ELMO2: variants seen among roughly 807,000 people sequenced by gnomAD.
The protein encoded by ELMO2 is engulfment and cell motility 2.
Under a neutral mutation model 96.2 loss-of-function variants are expected in ELMO2, and 37 were observed. The ratio of observed to expected loss-of-function variants is 0.38; its 90% confidence interval spans 0.30 to 0.51. The LOEUF is 0.51. Ranked by LOEUF, ELMO2 falls within the 20% of genes least tolerant of loss-of-function variation. The probability of loss-of-function intolerance (pLI) is 0.88; values close to 1 mark genes in which losing one functional copy is unlikely to be tolerated. For missense variants in ELMO2, 561 were observed against 912.6 expected, an observed-to-expected ratio of 0.61 and a Z score of 4.96; for synonymous variants, 315 against 329.4, an observed-to-expected ratio of 0.96 and a Z score of 0.47.
chr20:46,367,423 G>C lies in ELMO2; in HGVS notation c.2100C>G (p.Pro700=). The C allele has an allele frequency of 6.2e-7, 1 of 1,612,362 alleles. No homozygotes were observed. The highest frequency in any genetic ancestry group is 1.1e-5 in the South Asian group (1 of 90,804). The change falls in exon 22 of 22, where the codon CCC becomes CCG. Residue 700 remains proline, a synonymous_variant. Coordinates refer to ENST00000290246, the MANE Select transcript of ELMO2 (RefSeq NM_133171.5). Reference sequence around the variant, plus strand: ...CCTTGGGGATGGGGGGTGGGGCTTCGGGAATCTGGATGTTCTCCAGGTCCA... The same window carrying C: ...CCTTGGGGATGGGGGGTGGGGCTTCCGGAATCTGGATGTTCTCCAGGTCCA... The part of the protein sequence containing the change: ...RLLDLENIQI[P]EAPPPIPKEP...
intron 10 of ELMO2, among the ~76,000 whole-genome samples, chr20:46,381,522 T>C (rs928592534): frequency 6.6e-6 from 1 of 152,220 alleles, no homozygotes; most frequent in African/African-American, 2.4e-5. Context: ...TTGCATTCTC[T>C]GAATACATAC....
intron 20 of ELMO2, chr20:46,370,124 G>A: frequency 2.2e-6 from 1 of 454,840 alleles, no homozygotes; most frequent in Middle Eastern, 3.1e-4. Flanking sequence ...CCTGTTATGT[G>A]TGCTAATGGA....
At chr20:46,376,813 C>T in intron 11 of ELMO2, 2 of 1,288,258 alleles carry the variant, frequency 1.6e-6, no homozygotes, top group South Asian at 1.2e-5. Context: ...GTAGCTCTGT[C>T]TCTAGGGCTG....
At chr20:46,405,834 A>C (rs2060427686) in intron 1 of ELMO2, among the ~76,000 whole-genome samples, 1 of 152,106 alleles carries the variant, frequency 6.6e-6, no homozygotes, top group Non-Finnish European at 1.5e-5. Context: ...CTGTGAGCCG[A>C]GATCGCGCCA....
At chr20:46,382,692 A>C (rs2059977991) in intron 10 of ELMO2, among the ~76,000 whole-genome samples, 1 of 152,204 alleles carries the variant, frequency 6.6e-6, no homozygotes, top group South Asian at 2.1e-4. Flanking sequence ...TCCACCACCC[A>C]GCTGATTCTT....
Position 46,371,285 on chromosome 20 carries a change from T to C in ELMO2, c.1801+67A>G. 6.7e-7 allele frequency: 1 copy of C among 1,494,266 alleles called. No homozygotes were observed. The allele number at this position is 1,494,266 out of a possible 1,614,324, so 92.6% of individuals were successfully genotyped here. A position where few individuals can be genotyped will look rare whatever the true frequency, so the allele number is the denominator to read the frequency against. ...GCCCAGATGATCAGCTACAAACAGCTGGACTAGAACTCCTGTCTCCTGACA... is the reference window on the plus strand; with the variant it reads ...GCCCAGATGATCAGCTACAAACAGCCGGACTAGAACTCCTGTCTCCTGACA... On this transcript the variant is annotated intron_variant, in intron 19 of 21. Coordinates refer to ENST00000290246, the MANE Select transcript of ELMO2 (RefSeq NM_133171.5). This position sits in a 1 kb window ranked among gnomAD's most constrained non-coding sequence, Gnocchi z 5.9.
At chr20:46,384,245 T>C (rs867234600) in intron 9 of ELMO2, among the ~76,000 whole-genome samples, 32 of 152,198 alleles carry the variant, frequency 2.1e-4, no homozygotes, top group African/African-American at 7.5e-4. Flanking sequence ...ATAAACTTAT[T>C]TTATTATGAA....
chr20:46,392,004 C>A (rs2060158761), intron 6 of ELMO2, among the ~76,000 whole-genome samples: 1 of 152,184 alleles, frequency 6.6e-6, no homozygotes, highest in Non-Finnish European at 1.5e-5. Flanking sequence ...ACTGTTTTAC[C>A]TTTCTTTTAC....
intron 6 of ELMO2, 111 bp from the exon 7 acceptor site, chr20:46,389,331 G>A: frequency 8.8e-7 from 1 of 1,132,314 alleles, no homozygotes; most frequent in South Asian, 1.5e-5. Context: ...GGCAGAACTA[G>A]TTTTTTCACA....
Position 46,375,466 on chromosome 20 carries a change from C to A in ELMO2, c.931-96G>T, listed in dbSNP as rs1489479697. 7.8e-6 allele frequency: 12 copies of A among 1,540,824 alleles called. No individual in the cohort carries two copies. The highest frequency in any genetic ancestry group is 1.1e-5 in the Non-Finnish European group (12 of 1,138,522). ...CAGGCTTTTCTGGGCCAAACTTTGG[C>A]CCCAATCAATCCCTTAGGAGGCATC... On this transcript the variant is annotated intron_variant, in intron 12 of 21. Coordinates refer to ENST00000290246, the MANE Select transcript of ELMO2 (RefSeq NM_133171.5). The surrounding 1 kb of genome is among the most constrained non-coding windows in gnomAD (Gnocchi z 4.6).
At chr20:46,376,477 A>G (rs539641401) in intron 11 of ELMO2, among the ~76,000 whole-genome samples, 2 of 151,116 alleles carry the variant, frequency 1.3e-5, no homozygotes, top group African/African-American at 4.9e-5. Context: ...CTGTCGGTTC[A>G]TCACCTCCTC....
intron 9 of ELMO2, among the ~76,000 whole-genome samples, chr20:46,384,465 G>A (rs1426194665): frequency 6.6e-6 from 1 of 152,022 alleles, no homozygotes; most frequent in African/African-American, 2.4e-5. Flanking sequence ...GGTGACAGCT[G>A]TGGGCTGAAA....
At chr20:46,382,583 G>C (rs1245409921) in intron 10 of ELMO2, among the ~76,000 whole-genome samples, 1 of 151,632 alleles carries the variant, frequency 6.6e-6, no homozygotes, top group Non-Finnish European at 1.5e-5. Flanking sequence ...TTTACAGAAA[G>C]AGAAACTGAG....
At chr20:46,395,202 T>G (rs1432356031) in intron 2 of ELMO2, among the ~76,000 whole-genome samples, 1 of 152,156 alleles carries the variant, frequency 6.6e-6, no homozygotes, top group Non-Finnish European at 1.5e-5. Flanking sequence ...GCCCCTCTTA[T>G]AAGGACAAGG....
chr20:46,392,374 T>G (rs578129644), intron 6 of ELMO2, among the ~76,000 whole-genome samples: 1 of 152,328 alleles, frequency 6.6e-6, no homozygotes, highest in East Asian at 1.9e-4. Flanking sequence ...TATCCATCCT[T>G]TCATCTCCAT....
intron 16 of ELMO2, 50 bp downstream of exon 16, chr20:46,373,349 C>T (rs371763290): frequency 8.7e-6 from 14 of 1,606,582 alleles, no homozygotes; most frequent in South Asian, 6.6e-5. Flanking sequence ...CAAAGGCTGT[C>T]GTGTGATGGT....
chr20:46,389,667 G>A (rs953310580), intron 6 of ELMO2, among the ~76,000 whole-genome samples: 2 of 152,102 alleles, frequency 1.3e-5, no homozygotes, highest in African/African-American at 4.8e-5. Context: ...GGCCAACAGA[G>A]TGACACCCTG....
At position 46,366,742 on chromosome 20, in the gene ELMO2, C is replaced by G. The variant is rs2059593180; in HGVS notation, c.*618G>C. The stretch of plus-strand genomic sequence containing the variant: ...ACTGAGCGCTTGCAGGGAGAAATTT[C>G]CGTCTGCTCTGATATCTGTATGGGC... On this transcript the variant is annotated 3_prime_UTR_variant, in exon 22 of 22. Transcript: ENST00000290246. 2 of 152,628 alleles carry G rather than the reference C, an allele frequency of 1.3e-5. No individual in the cohort carries two copies. The highest frequency in any genetic ancestry group is 2.9e-5 in the Non-Finnish European group (2 of 68,070). The allele number at this position is 152,628 out of a possible 1,614,324, so 9.5% of individuals were successfully genotyped here. A position where few individuals can be genotyped will look rare whatever the true frequency, so the allele number is the denominator to read the frequency against.
chr20:46,386,103 G>C, intron 9 of ELMO2, 21 bp downstream of exon 9: 1 of 1,607,186 alleles, frequency 6.2e-7, no homozygotes. Flanking sequence ...AAGGGAGGGA[G>C]GTGTAGGGTT....
Sources: gnomAD v4.1 joint callset for allele counts (sites outside exome capture counted in the v4.1 genomes callset) on GRCh38, gnomAD v4.1.1 for gene constraint, Gnocchi (gnomAD v3.1) non-coding constraint, MANE v1.5 for transcripts, NCBI Gene and HGNC (gene_info 2026-07-23, HGNC 2026-07-21) for gene names.